The following EIF4G3 variants were observed in gnomAD, a reference collection of about 807,000 sequenced individuals.
EIF4G3 encodes eIF-4-gamma 3.
Under a neutral mutation model 186.4 loss-of-function variants are expected in EIF4G3, and 34 were observed. The observed-to-expected ratio is 0.18, with a 90% CI of 0.14 to 0.24. The LOEUF is 0.24. Among genes scored for constraint, EIF4G3 ranks in the 10% least tolerant of loss-of-function variants. The pLI is 1.00. For missense variants in EIF4G3, 1,536 were observed against 1,948.5 expected (o/e 0.79, Z 3.99); for synonymous variants, 673 against 679.5 (o/e 0.99, Z 0.15).
intron 7 of EIF4G3, among the ~76,000 whole-genome samples, chr1:20,990,582 T>C (rs1167002096): frequency 6.6e-6 from 1 of 151,868 alleles, no homozygotes; most frequent in African/African-American, 2.4e-5. Context: ...TGAGGCAGAA[T>C]TGCTTGAACC....
At position 21,170,748 on chromosome 1, in the gene EIF4G3, G is replaced by A. The variant is rs111531029; in HGVS notation, c.-272+5427C>T. ...TAACACCCGTAATCCCAGCACTTGG[G>A]GAGGTCAAGGTGGATGGATCATTTG... On this transcript the variant is annotated intron_variant, in intron 2 of 36. Coordinates refer to ENST00000602326, the MANE Select transcript of EIF4G3 (RefSeq NM_001391906.1). Among the ~76,000 whole-genome samples, 349 of 152,188 alleles carry A rather than the reference G, an allele frequency of 2.3e-3. 2 individuals are homozygous for A. The highest frequency in any genetic ancestry group is 7.9e-3 in the African/African-American group (327 of 41,522).
intron 14 of EIF4G3, among the ~76,000 whole-genome samples, chr1:20,928,211 T>C (rs923773632): frequency 6.6e-6 from 1 of 152,158 alleles, no homozygotes; most frequent in African/African-American, 2.4e-5. Context: ...ATATAAGTAA[T>C]TGTTGTATAA....
rs150227207 is a variant in EIF4G3 at position 20,899,909 on chromosome 1, A to G, written c.1787T>C (p.Val596Ala). ...KAEEELSIDK[V>A]LESEQDKMSQ... is the part of the protein sequence containing the mutation. The stretch of plus-strand genomic sequence containing the variant: ...CATTTTATCTTGTTCAGATTCAAGT[A>G]CTTTGTCAATGGAAAGCTCCTCTTC... The change falls in exon 16 of 37, where the codon GTA (valine) becomes GCA (alanine). Residue 596 changes from valine (V) to alanine (A), a missense_variant. Physicochemically the swap from Val to Ala is moderately conservative, Grantham distance 64. Transcript: ENST00000602326. 38 of 1,613,526 alleles carry G rather than the reference A, an allele frequency of 2.4e-5. No homozygotes were observed. The highest frequency in any genetic ancestry group is 5.0e-5 in the Admixed American group (3 of 59,906).
At chr1:20,851,997 GA>G (rs2073438848) in intron 27 of EIF4G3, among the ~76,000 whole-genome samples, 1 of 152,218 alleles carries the variant, frequency 6.6e-6, no homozygotes, top group Non-Finnish European at 1.5e-5. Flanking sequence ...TAGCCTGGGT[GA>G]CAGTGAGACT....
intron 4 of EIF4G3, among the ~76,000 whole-genome samples, chr1:21,003,189 T>TC (rs2084047451): frequency 6.7e-6 from 1 of 150,232 alleles, no homozygotes; most frequent in African/African-American, 2.4e-5. Context: ...TTTTTTTTTT[T>TC]CAGAGACAGG....
intron 4 of EIF4G3, among the ~76,000 whole-genome samples, chr1:21,020,519 TAAAG>T: frequency 6.6e-6 from 1 of 151,948 alleles, no homozygotes; most frequent in African/African-American, 2.4e-5. Flanking sequence ...AATGAATAAA[TAAAG>T]AAGAATACCA....
chr1:20,998,222 CA>C, intron 6 of EIF4G3, among the ~76,000 whole-genome samples: 1 of 39,018 alleles, frequency 2.6e-5, no homozygotes, highest in Non-Finnish European at 6.6e-5. Context: ...TACACACACA[CA>C]CACACACACA....
intron 10 of EIF4G3, among the ~76,000 whole-genome samples, chr1:20,978,818 A>G (rs1007629880): frequency 5.3e-5 from 8 of 152,202 alleles, no homozygotes; most frequent in Admixed American, 1.3e-4. Flanking sequence ...TTCCCAAGAC[A>G]ATATCAACCA....
Position 21,002,993 on chromosome 1 carries a change from T to TC in EIF4G3, c.-66-186_-66-185insG, listed in dbSNP as rs1262313922. Among the ~76,000 whole-genome samples, 412 of 150,266 alleles carry TC rather than the reference T, an allele frequency of 2.7e-3. 1 individual carries two copies. The highest frequency in any genetic ancestry group is 0.024 in the Middle Eastern group (7 of 290). On this transcript the variant is annotated intron_variant, in intron 4 of 36. Coordinates refer to ENST00000602326, the MANE Select transcript of EIF4G3 (RefSeq NM_001391906.1). ...ATCAGTACAGTTCCTTTTCTTTCTT[T>TC]TTTTTTTTTTTTAAATTAATGAACT...
chr1:21,104,586 T>C (rs190712354), intron 2 of EIF4G3, among the ~76,000 whole-genome samples: 56 of 152,324 alleles, frequency 3.7e-4, no homozygotes, highest in African/African-American at 1.2e-3. Context: ...GCTGACTATG[T>C]TGCGGAGCAA....
In EIF4G3 at chr1:20,886,673, A is replaced by AT. The variant is rs2084263069; in HGVS notation, c.2254-303dup. Among the ~76,000 whole-genome samples, 3 of 152,314 alleles carry AT rather than the reference A, an allele frequency of 2.0e-5. No homozygotes were observed. The East Asian group carries it at 5.8e-4, about 29-fold the overall frequency. On this transcript the variant is annotated intron_variant, in intron 18 of 36. Transcript: ENST00000602326. The stretch of plus-strand genomic sequence containing the variant: ...TTTAAGCTTATCTTTTATTAGTTGA[A>AT]TAACTGTGGACTGGTCACTTCAATA...
intron 35 of EIF4G3, among the ~76,000 whole-genome samples, chr1:20,812,251 C>A (rs1032604283): frequency 5.3e-5 from 8 of 152,190 alleles, no homozygotes; most frequent in African/African-American, 1.7e-4. Context: ...CAGTGACCCC[C>A]ACCATCTCAA....
chr1:20,888,982 TACTTTAAGGA>T (rs1210165446), intron 18 of EIF4G3, among the ~76,000 whole-genome samples: 8 of 152,192 alleles, frequency 5.3e-5, no homozygotes, highest in African/African-American at 1.9e-4. Flanking sequence ...TGAAAGACAG[TACTTTAAGGA>T]ACTTTAAGGT....
intron 32 of EIF4G3, among the ~76,000 whole-genome samples, chr1:20,825,603 GGA>G (rs1305766781): frequency 6.6e-6 from 1 of 152,168 alleles, no homozygotes; most frequent in East Asian, 1.9e-4. Context: ...ACTAATCTGG[GGA>G]GCTACAGCTG....
intron 29 of EIF4G3, among the ~76,000 whole-genome samples, chr1:20,845,451 A>G (rs1364150114): frequency 6.6e-6 from 1 of 152,140 alleles, no homozygotes; most frequent in Non-Finnish European, 1.5e-5. Context: ...TCACAAGGTC[A>G]GGAGATCAAG....
intron 3 of EIF4G3, among the ~76,000 whole-genome samples, chr1:21,066,638 A>T (rs1274530059): frequency 6.6e-6 from 1 of 152,198 alleles, no homozygotes; most frequent in African/African-American, 2.4e-5. Context: ...AAAAGATAAA[A>T]AGGGAACTGT....
chr1:20,823,684 C>G (rs978450651), intron 33 of EIF4G3, among the ~76,000 whole-genome samples: 2 of 152,070 alleles, frequency 1.3e-5, no homozygotes, highest in Non-Finnish European at 2.9e-5. Context: ...CTTTTCTTTT[C>G]TTTTCAAATC....
At chr1:20,960,842 G>GA (rs1028518791) in intron 12 of EIF4G3, among the ~76,000 whole-genome samples, 1 of 151,952 alleles carries the variant, frequency 6.6e-6, no homozygotes, top group Non-Finnish European at 1.5e-5. Context: ...CATCAAACAA[G>GA]AAAAAAATGT....
At chr1:21,014,429 G>A (rs1237823006) in intron 4 of EIF4G3, among the ~76,000 whole-genome samples, 1 of 152,118 alleles carries the variant, frequency 6.6e-6, no homozygotes, top group African/African-American at 2.4e-5. Context: ...TGGGTAATAA[G>A]CACAGTATCT....
Sources: gnomAD v4.1 joint callset for allele counts (sites outside exome capture counted in the v4.1 genomes callset) on GRCh38, gnomAD v4.1.1 for gene constraint, MANE v1.5 for transcripts, NCBI Gene and HGNC (gene_info 2026-07-23, HGNC 2026-07-21) for gene names.